RBMS3: variants seen among roughly 807,000 people sequenced by gnomAD.
RBMS3 encodes RNA-binding motif, single-stranded-interacting protein 3.
A neutral mutation model predicts 66.8 loss-of-function variants in RBMS3; 27 were observed. That is an observed-to-expected ratio of 0.40 (90% CI 0.30 to 0.56). The LOEUF is 0.56. RBMS3 is among the 20% of genes least tolerant of loss of function. RBMS3 has a pLI of 0.40. For missense variants in RBMS3, 513 were observed against 549.5 expected (o/e 0.93, Z 0.66); for synonymous variants, 188 against 183.0 (o/e 1.03, Z -0.22).
At chr3:29,978,495 C>A (rs1051019649) in intron 12 of RBMS3, among the ~76,000 whole-genome samples, 12 of 151,634 alleles carry the variant, frequency 7.9e-5, no homozygotes, top group Admixed American at 5.9e-4. Context: ...GATACACACA[C>A]ATACAACACA....
intron 3 of RBMS3, among the ~76,000 whole-genome samples, chr3:29,557,050 CACTCAA>C (rs2046391705): frequency 1.3e-5 from 2 of 152,174 alleles, no homozygotes; most frequent in South Asian, 4.1e-4. Context: ...TTCTTTCTGT[CACTCAA>C]AGTAGGTTTT....
At chr3:29,763,613 T>C (rs1394350600) in intron 6 of RBMS3, among the ~76,000 whole-genome samples, 1 of 152,028 alleles carries the variant, frequency 6.6e-6, no homozygotes, top group Non-Finnish European at 1.5e-5. Context: ...ATTCCTAAGG[T>C]TTTATACACA....
intron 1 of RBMS3, among the ~76,000 whole-genome samples, chr3:29,429,746 A>C (rs1214441058): frequency 6.6e-6 from 1 of 152,190 alleles, no homozygotes; most frequent in Non-Finnish European, 1.5e-5. Context: ...TTTTATCTGC[A>C]GGAAAATATT....
At chr3:29,911,303 G>A (rs2060507847) in intron 10 of RBMS3, among the ~76,000 whole-genome samples, 1 of 152,046 alleles carries the variant, frequency 6.6e-6, no homozygotes, top group East Asian at 1.9e-4. Context: ...CTAAGAGAAA[G>A]CAAGGTATTT....
intron 6 of RBMS3, among the ~76,000 whole-genome samples, chr3:29,847,712 G>C (rs34953370): frequency 0.011 from 1,711 of 151,164 alleles, 17 homozygotes; most frequent in Non-Finnish European, 0.018. Flanking sequence ...CTGGAGTGCA[G>C]TGGCGCGATC....
At chr3:29,755,439 G>T in intron 5 of RBMS3, among the ~76,000 whole-genome samples, 1 of 152,192 alleles carries the variant, frequency 6.6e-6, no homozygotes, top group East Asian at 1.9e-4. Flanking sequence ...ATGCTGGCTG[G>T]AAGCAGAGTT....
intron 11 of RBMS3, among the ~76,000 whole-genome samples, chr3:29,942,583 G>C (rs2061417822): frequency 6.6e-6 from 1 of 151,720 alleles, no homozygotes; most frequent in African/African-American, 2.4e-5. Flanking sequence ...TGCATGTGTG[G>C]AGTTCAGTAT....
At chr3:29,332,187 CTT>C (rs1324352087) in intron 1 of RBMS3, among the ~76,000 whole-genome samples, 1 of 152,132 alleles carries the variant, frequency 6.6e-6, no homozygotes, top group Non-Finnish European at 1.5e-5. Context: ...TGATTTATCT[CTT>C]TTAAATTTAA....
intron 6 of RBMS3, among the ~76,000 whole-genome samples, chr3:29,785,121 C>A (rs2056775166): frequency 6.6e-6 from 1 of 151,988 alleles, no homozygotes; most frequent in South Asian, 2.1e-4. Context: ...GTCCTATTGA[C>A]ACTATTCCAA....
intron 1 of RBMS3, among the ~76,000 whole-genome samples, chr3:29,282,299 T>A (rs1286754187): frequency 6.6e-6 from 1 of 152,168 alleles, no homozygotes; most frequent in Non-Finnish European, 1.5e-5. Context: ...TTAATTTGCC[T>A]TGCCTATTTT....
intron 1 of RBMS3, among the ~76,000 whole-genome samples, chr3:29,387,650 C>A (rs2039068264): frequency 6.6e-6 from 1 of 152,086 alleles, no homozygotes; most frequent in African/African-American, 2.4e-5. Context: ...CACCTGTAAT[C>A]CCAGCACTTT....
intron 1 of RBMS3, among the ~76,000 whole-genome samples, chr3:29,398,887 A>C (rs2039678888): frequency 6.6e-6 from 1 of 152,172 alleles, no homozygotes; most frequent in African/African-American, 2.4e-5. Context: ...CAGCTTTAAG[A>C]GGACGATTGG....
chr3:29,308,920 C>G (rs879645296), intron 1 of RBMS3, among the ~76,000 whole-genome samples: 1 of 150,994 alleles, frequency 6.6e-6, no homozygotes, highest in Non-Finnish European at 1.5e-5. Context: ...TTTTTAAGTG[C>G]AGGTGATATT....
chr3:29,738,595 TA>T (rs1257355359), intron 4 of RBMS3, among the ~76,000 whole-genome samples: 50 of 152,358 alleles, frequency 3.3e-4, no homozygotes, highest in African/African-American at 1.2e-3. Flanking sequence ...ATAGACATCA[TA>T]ATCTTATTTG....
chr3:29,850,019 T>C (rs962711805), intron 6 of RBMS3, among the ~76,000 whole-genome samples: 3 of 152,128 alleles, frequency 2.0e-5, no homozygotes, highest in Non-Finnish European at 4.4e-5. Context: ...AGATACGAGG[T>C]AGGCAGACGT....
chr3:29,548,579 A>C (rs868221155), intron 3 of RBMS3, among the ~76,000 whole-genome samples: 17 of 152,188 alleles, frequency 1.1e-4, no homozygotes, highest in African/African-American at 4.1e-4. Context: ...ACAAATAAGA[A>C]CAATAACAAC....
At chr3:29,454,231 T>TG (rs1204719553) in intron 2 of RBMS3, among the ~76,000 whole-genome samples, 1 of 152,182 alleles carries the variant, frequency 6.6e-6, no homozygotes, top group African/African-American at 2.4e-5. Context: ...CTGCAGCTGC[T>TG]GATGAATTTA....
intron 4 of RBMS3, among the ~76,000 whole-genome samples, chr3:29,649,298 G>C (rs2050059253): frequency 6.6e-6 from 1 of 152,092 alleles, no homozygotes; most frequent in African/African-American, 2.4e-5. Flanking sequence ...ATGGAATCTT[G>C]CTCTGCAGCT....
chr3:29,712,226 G>A (rs1056271763), intron 4 of RBMS3, among the ~76,000 whole-genome samples: 3 of 152,104 alleles, frequency 2.0e-5, no homozygotes, highest in Non-Finnish European at 4.4e-5. Flanking sequence ...TACTCAGATA[G>A]CTAGTAAAAT....
Sources: gnomAD v4.1 joint callset for allele counts (sites outside exome capture counted in the v4.1 genomes callset) on GRCh38, gnomAD v4.1.1 for gene constraint, MANE v1.5 for transcripts, NCBI Gene and HGNC (gene_info 2026-07-23, HGNC 2026-07-21) for gene names.